ABCA10: variants seen among roughly 807,000 people sequenced by gnomAD.
ABCA10 encodes ATP binding cassette subfamily A member 10, also known as ATP-binding cassette sub-family A member 10.
ABCA10 carries 169 observed loss-of-function variants against 187.5 expected under a neutral mutation model. That is an observed-to-expected ratio of 0.90 (90% CI 0.80 to 1.02). ABCA10 has a LOEUF of 1.02. ABCA10 is among the 50% of genes least tolerant of loss of function. ABCA10 has a pLI of 0.00. For synonymous variants in ABCA10, 574 were observed against 601.8 expected (o/e 0.95, Z 0.68); for missense variants, 1,727 against 1,812.4 (o/e 0.95, Z 0.86).
At chr17:69,198,430 C>T (rs1297718437) in intron 10 of ABCA10, among the ~76,000 whole-genome samples, 6 of 152,156 alleles carry the variant, frequency 3.9e-5, no homozygotes, top group Non-Finnish European at 7.3e-5. Flanking sequence ...GAAGCAAGGT[C>T]ATTATTCTCG....
chr17:69,241,240 T>A (rs962300858), intron 1 of ABCA10, among the ~76,000 whole-genome samples: 2 of 152,196 alleles, frequency 1.3e-5, no homozygotes, highest in African/African-American at 4.8e-5. Context: ...ATTGACTCCC[T>A]TTCTCCCATA....
chr17:69,200,688 G>A (rs1190785443), intron 10 of ABCA10, among the ~76,000 whole-genome samples: 1 of 152,122 alleles, frequency 6.6e-6, no homozygotes, highest in Non-Finnish European at 1.5e-5. Flanking sequence ...TATTATTAAA[G>A]ATGAAAGAGA....
At chr17:69,241,115 G>A (rs147044042) in intron 1 of ABCA10, among the ~76,000 whole-genome samples, 495 of 152,180 alleles carry the variant, frequency 3.3e-3, no homozygotes, top group Non-Finnish European at 4.1e-3. Flanking sequence ...AAACTTCCAC[G>A]GTCTTCTTCA....
intron 2 of ABCA10, among the ~76,000 whole-genome samples, chr17:69,226,165 TA>T (rs1388967356): frequency 6.6e-6 from 1 of 152,022 alleles, no homozygotes; most frequent in Non-Finnish European, 1.5e-5. Context: ...TTTGAGATAC[TA>T]AAATATTTAG....
intron 6 of ABCA10, among the ~76,000 whole-genome samples, chr17:69,217,255 G>GA (rs201415206): frequency 4.9e-4 from 66 of 133,768 alleles, no homozygotes; most frequent in Middle Eastern, 3.6e-3. Context: ...CTCAAAAAAA[G>GA]AAAAAAAAAA....
chr17:69,242,473 T>C (rs2074908831), intron 1 of ABCA10, among the ~76,000 whole-genome samples: 1 of 152,130 alleles, frequency 6.6e-6, no homozygotes, highest in Non-Finnish European at 1.5e-5. Flanking sequence ...TTTCTTTCTG[T>C]TTTTTTCTTG....
At chr17:69,190,263 A>G (rs1004601161) in intron 18 of ABCA10, 95 bp downstream of exon 18, 2 of 1,343,138 alleles carry the variant, frequency 1.5e-6, no homozygotes, top group East Asian at 2.6e-5. Flanking sequence ...TTATAGGTAG[A>G]AATCCACATA....
At chr17:69,187,993 C>T (rs780935537) in intron 18 of ABCA10, 114 bp from the exon 19 acceptor site, 20 of 898,472 alleles carry the variant, frequency 2.2e-5, no homozygotes, top group Admixed American at 1.1e-4. Context: ...AGTTAAGCTA[C>T]TGATATCCAT....
At chr17:69,211,113 C>T (rs2074645067) in intron 9 of ABCA10, among the ~76,000 whole-genome samples, 1 of 150,598 alleles carries the variant, frequency 6.6e-6, no homozygotes, top group Non-Finnish European at 1.5e-5. Flanking sequence ...TTTGATCCAG[C>T]AATCCTACTA....
At chr17:69,214,554 TA>T in intron 9 of ABCA10, 149 bp downstream of exon 9, 1 of 660,424 alleles carries the variant, frequency 1.5e-6, no homozygotes, top group Non-Finnish European at 2.3e-6. Context: ...CTTTAAATAG[TA>T]AAATGGAAAT....
At chr17:69,189,697 T>TA (rs2074446189) in intron 18 of ABCA10, among the ~76,000 whole-genome samples, 1 of 152,176 alleles carries the variant, frequency 6.6e-6, no homozygotes, top group Non-Finnish European at 1.5e-5. Context: ...TTTATTTTTG[T>TA]ATAGGGTGAA....
chr17:69,192,434 G>T, intron 16 of ABCA10, 129 bp downstream of exon 16: 1 of 693,276 alleles, frequency 1.4e-6, no homozygotes, highest in East Asian at 2.7e-5. Flanking sequence ...AAGACATTTT[G>T]AGCTGTTTAT....
chr17:69,152,596 T>C lies in ABCA10; in HGVS notation c.4137-115A>G, dbSNP rs564796894. The C allele has an allele frequency of 3.3e-4, 469 of 1,403,116 alleles. 4 individuals carry two copies. In the South Asian group the frequency reaches 6.0e-3, roughly 18 times the overall value. The allele number at this position is 1,403,116 out of a possible 1,614,324, so 86.9% of individuals were successfully genotyped here. Reference sequence around the variant, plus strand: ...GTTATGTTAGGATGCAAGAAACCTGTGCAACATGGTGAAACCCCATCTCCA... The same window carrying C: ...GTTATGTTAGGATGCAAGAAACCTGCGCAACATGGTGAAACCCCATCTCCA... On this transcript the variant is annotated intron_variant, in intron 34 of 38. Transcript: ENST00000690296.
intron 27 of ABCA10, among the ~76,000 whole-genome samples, chr17:69,160,458 T>G (rs937210658): frequency 6.6e-6 from 1 of 151,874 alleles, no homozygotes; most frequent in Non-Finnish European, 1.5e-5. Flanking sequence ...AATACAACAA[T>G]TAGCTAAGTG....
intron 22 of ABCA10, among the ~76,000 whole-genome samples, chr17:69,176,058 G>A (rs1164350496): frequency 2.0e-5 from 3 of 152,082 alleles, no homozygotes; most frequent in Non-Finnish European, 4.4e-5. Flanking sequence ...TGAAACATCA[G>A]AAAGCAAAAT....
chr17:69,171,495 T>C lies in ABCA10; in HGVS notation c.3162+2786A>G, dbSNP rs536579995. ...ATGAAATGCTAACAGATGTAGAGAA[T>C]AGTATGAAAAGCTAATATTATCTCA... On this transcript the variant is annotated intron_variant, in intron 25 of 38. Transcript: ENST00000690296. Among the ~76,000 whole-genome samples, 30 of 152,236 alleles carry C rather than the reference T, an allele frequency of 2.0e-4. No individual in the cohort carries two copies. In the South Asian group the frequency reaches 4.2e-3, roughly 21 times the overall value.
intron 18 of ABCA10, among the ~76,000 whole-genome samples, chr17:69,188,813 T>C (rs927091225): frequency 5.3e-5 from 8 of 152,096 alleles, no homozygotes; most frequent in Non-Finnish European, 4.4e-5. Flanking sequence ...CTGTGTTAAT[T>C]TCTTTAGGAT....
At chr17:69,158,391 C>T (rs564074567) in intron 27 of ABCA10, among the ~76,000 whole-genome samples, 122 of 151,556 alleles carry the variant, frequency 8.0e-4, no homozygotes, top group African/African-American at 2.9e-3. Flanking sequence ...GTAAGGTAAA[C>T]TGATATAAGA....
chr17:69,164,208 T>G, intron 26 of ABCA10, 54 bp from the exon 27 acceptor site: 7 of 1,444,604 alleles, frequency 4.8e-6, no homozygotes, highest in Non-Finnish European at 6.6e-6. Flanking sequence ...AATATAAAAT[T>G]TACACATTAA....
Sources: allele counts gnomAD v4.1 joint callset (sites outside exome capture counted in the v4.1 genomes callset), GRCh38; gene constraint gnomAD v4.1.1; transcripts MANE v1.5; gene names NCBI Gene and HGNC (gene_info 2026-07-23, HGNC 2026-07-21).